Variants in SLCO6A1 observed in about 807,000 individuals in gnomAD.
SLCO6A1 encodes the protein cancer/testis antigen 48.
In SLCO6A1, 65 loss-of-function variants were observed where a neutral mutation model predicts 72.7. The observed-to-expected ratio is 0.89, with a 90% CI of 0.73 to 1.10. The LOEUF (loss-of-function observed/expected upper bound fraction) is 1.10. SLCO6A1 is among the 50% of genes least tolerant of loss of function. SLCO6A1 has a pLI of 0.00. For synonymous variants in SLCO6A1, 314 were observed against 298.2 expected (o/e 1.05, Z -0.55); for missense variants, 874 against 872.6 (o/e 1.00, Z -0.02).
chr5:102,468,649 A>T (rs1751431029), intron 4 of SLCO6A1, among the ~76,000 whole-genome samples: 3 of 151,736 alleles, frequency 2.0e-5, no homozygotes, highest in South Asian at 4.2e-4. Context: ...AAGAATAGCT[A>T]CTCCTGCTCA....
At chr5:102,373,568 C>T (rs997943115) in intron 12 of SLCO6A1, 74 bp from the exon 13 acceptor site, 3 of 1,092,910 alleles carry the variant, frequency 2.7e-6, no homozygotes, top group African/African-American at 3.2e-5. Context: ...ATGCTATTTA[C>T]CAAAGAAAGG....
intron 6 of SLCO6A1, 88 bp from the exon 7 acceptor site, chr5:102,438,849 A>G: frequency 1.1e-6 from 1 of 926,358 alleles, no homozygotes; most frequent in East Asian, 3.1e-5. Flanking sequence ...ATCTGTCTAC[A>G]AAAATTTACC....
chr5:102,413,248 T>C, intron 8 of SLCO6A1, 105 bp from the exon 9 acceptor site: 2 of 1,165,214 alleles, frequency 1.7e-6, no homozygotes, highest in Non-Finnish European at 2.4e-6. Context: ...ATTGAAATAA[T>C]TTCTTTTTTT....
chr5:102,466,908 T>C (rs1481119540), intron 4 of SLCO6A1, among the ~76,000 whole-genome samples: 3 of 152,180 alleles, frequency 2.0e-5, no homozygotes, highest in Non-Finnish European at 4.4e-5. Flanking sequence ...TTATAGATGC[T>C]GGATATTAGA....
chr5:102,459,553 T>A (rs1750912856), intron 5 of SLCO6A1, 103 bp downstream of exon 5: 1 of 1,274,322 alleles, frequency 7.8e-7, no homozygotes, highest in Admixed American at 2.8e-5. Context: ...GCGAGAGGCA[T>A]ACTCATTTTA....
chr5:102,478,997 C>T (rs994679251), intron 2 of SLCO6A1, among the ~76,000 whole-genome samples: 2 of 152,090 alleles, frequency 1.3e-5, no homozygotes, highest in Non-Finnish European at 2.9e-5. Context: ...CTCTTAGTTC[C>T]TTGAACTTTT....
At chr5:102,405,697 G>A (rs575872393) in intron 9 of SLCO6A1, among the ~76,000 whole-genome samples, 1 of 152,144 alleles carries the variant, frequency 6.6e-6, no homozygotes, top group East Asian at 1.9e-4. Flanking sequence ...TCAAGCTTAA[G>A]GTAAATGATG....
intron 1 of SLCO6A1, among the ~76,000 whole-genome samples, chr5:102,489,780 G>T (rs62371034): frequency 0.23 from 34,869 of 152,086 alleles, 4,791 homozygotes; most frequent in Non-Finnish European, 0.3. Flanking sequence ...GTATGTCAAA[G>T]AAATATTTGC....
At chr5:102,423,497 T>TGA (rs540673159) in intron 7 of SLCO6A1, among the ~76,000 whole-genome samples, 1 of 152,214 alleles carries the variant, frequency 6.6e-6, no homozygotes, top group South Asian at 2.1e-4. Flanking sequence ...TAAAACAGAC[T>TGA]TTAAACCAAC....
At chr5:102,388,379 ACT>A (rs1410413513) in intron 12 of SLCO6A1, among the ~76,000 whole-genome samples, 1 of 151,558 alleles carries the variant, frequency 6.6e-6, no homozygotes, top group African/African-American at 2.4e-5. Context: ...AAAGAGTCTC[ACT>A]CTGTCACCCA....
intron 6 of SLCO6A1, 28 bp downstream of exon 6, chr5:102,458,354 A>G (rs1262532411): frequency 6.6e-7 from 1 of 1,507,856 alleles, no homozygotes; most frequent in African/African-American, 1.4e-5. Flanking sequence ...ACTTAGTTGG[A>G]TTGTTCAAGT....
At chr5:102,400,292 A>G (rs546690856) in intron 9 of SLCO6A1, among the ~76,000 whole-genome samples, 297 of 152,088 alleles carry the variant, frequency 2.0e-3, no homozygotes, top group Non-Finnish European at 3.4e-3. Flanking sequence ...AAAATCAAAG[A>G]AAAAAGTGTA....
intron 4 of SLCO6A1, among the ~76,000 whole-genome samples, chr5:102,473,888 AAAAC>A (rs1751758946): frequency 6.6e-6 from 1 of 152,006 alleles, no homozygotes; most frequent in Non-Finnish European, 1.5e-5. Context: ...TGCAAACTAT[AAAAC>A]ATTATTGAAA....
chr5:102,400,511 T>C (rs1233992495), intron 9 of SLCO6A1, among the ~76,000 whole-genome samples: 1 of 152,050 alleles, frequency 6.6e-6, no homozygotes, highest in Non-Finnish European at 1.5e-5. Context: ...GGAGTTGTGG[T>C]TGTAGGGTGG....
chr5:102,379,957 T>A (rs1746019408), intron 12 of SLCO6A1, among the ~76,000 whole-genome samples: 1 of 151,876 alleles, frequency 6.6e-6, no homozygotes, highest in Non-Finnish European at 1.5e-5. Context: ...CAACTTAAAT[T>A]TTTTATTGCT....
chr5:102,467,577 G>A (rs1033367422), intron 4 of SLCO6A1, among the ~76,000 whole-genome samples: 2 of 152,074 alleles, frequency 1.3e-5, no homozygotes, highest in African/African-American at 4.8e-5. Flanking sequence ...CCCTTATCAT[G>A]TGGGGGTTAT....
intron 6 of SLCO6A1, among the ~76,000 whole-genome samples, chr5:102,456,739 T>C (rs1580460075): frequency 6.6e-6 from 1 of 152,140 alleles, no homozygotes; most frequent in Admixed American, 6.6e-5. Context: ...CTTCACAGAA[T>C]TGGAAAAAAC....
At chr5:102,470,596 C>A (rs1751558228) in intron 4 of SLCO6A1, among the ~76,000 whole-genome samples, 1 of 151,922 alleles carries the variant, frequency 6.6e-6, no homozygotes, top group Non-Finnish European at 1.5e-5. Context: ...TTGATCTTTT[C>A]AAAAAACCAG....
intron 1 of SLCO6A1, among the ~76,000 whole-genome samples, chr5:102,486,077 T>C (rs1752432524): frequency 6.6e-6 from 1 of 152,186 alleles, no homozygotes. Flanking sequence ...ACTCTTCAAA[T>C]AAGTTGTCTC....
Sources: gnomAD v4.1 joint callset for allele counts (sites outside exome capture counted in the v4.1 genomes callset) on GRCh38, gnomAD v4.1.1 for gene constraint, MANE v1.5 for transcripts, NCBI Gene and HGNC (gene_info 2026-07-23, HGNC 2026-07-21) for gene names.